RASGRF2: variants seen among roughly 807,000 people sequenced by gnomAD.
RASGRF2 encodes the protein ras-specific guanine nucleotide-releasing factor 2.
In RASGRF2, 76 loss-of-function variants were observed where a neutral mutation model predicts 151.0. The ratio of observed to expected loss-of-function variants is 0.50; its 90% CI spans 0.42 to 0.61. The LOEUF (loss-of-function observed/expected upper bound fraction) is 0.61, where lower values mean the gene tolerates loss of function less well. Ranked by LOEUF, RASGRF2 falls within the 20% of genes least tolerant of loss-of-function variation. The pLI is 0.00. For synonymous variants in RASGRF2, 504 were observed against 566.5 expected, an observed-to-expected ratio of 0.89 and a Z score of 1.57; for missense variants, 1,148 against 1,564.6, an observed-to-expected ratio of 0.73 and a Z score of 4.49.
At chr5:81,206,786 T>G in intron 19 of RASGRF2, 59 bp from the exon 20 acceptor site, 1 of 1,449,342 alleles carries the variant, frequency 6.9e-7, no homozygotes, top group Non-Finnish European at 9.7e-7. Flanking sequence ...GCATTTGTAG[T>G]TTTGTTCCTA....
At chr5:81,054,723 G>A (rs1201478876) in intron 2 of RASGRF2, among the ~76,000 whole-genome samples, 6 of 126,074 alleles carry the variant, frequency 4.8e-5, no homozygotes, top group African/African-American at 1.9e-4. Flanking sequence ...GGGCAGTATG[G>A]CCATTTTCAT....
chr5:81,100,095 G>T (rs924189487), intron 12 of RASGRF2, among the ~76,000 whole-genome samples: 8 of 151,866 alleles, frequency 5.3e-5, no homozygotes, highest in Admixed American at 2.6e-4. Flanking sequence ...GTTTAGTAGA[G>T]ACGAGGTTTC....
At chr5:81,036,436 T>C (rs1750496098) in intron 1 of RASGRF2, among the ~76,000 whole-genome samples, 2 of 152,144 alleles carry the variant, frequency 1.3e-5, no homozygotes, top group Admixed American at 6.6e-5. Context: ...ATTGGAAATA[T>C]TGTTTACTGC....
chr5:81,123,849 C>G, intron 16 of RASGRF2, 82 bp downstream of exon 16: 2 of 1,432,694 alleles, frequency 1.4e-6, no homozygotes, highest in Middle Eastern at 2.2e-4. Flanking sequence ...CTAATTGTTT[C>G]ACTGCCAAAA....
intron 17 of RASGRF2, among the ~76,000 whole-genome samples, chr5:81,153,739 A>T (rs1754189509): frequency 6.6e-6 from 1 of 152,254 alleles, no homozygotes; most frequent in Non-Finnish European, 1.5e-5. Flanking sequence ...GCATTAATTC[A>T]TGGAAAATGC....
At chr5:81,118,650 ACT>A (rs1753224702) in intron 15 of RASGRF2, among the ~76,000 whole-genome samples, 1 of 151,864 alleles carries the variant, frequency 6.6e-6, no homozygotes, top group African/African-American at 2.4e-5. Flanking sequence ...AGGCCTTTTC[ACT>A]CTTTACGTGG....
At chr5:81,085,268 G>A (rs945343359) in intron 7 of RASGRF2, among the ~76,000 whole-genome samples, 9 of 139,434 alleles carry the variant, frequency 6.5e-5, no homozygotes, top group Admixed American at 3.7e-4. Flanking sequence ...ATAAACAAAA[G>A]TACAAATAAA....
Position 81,217,882 on chromosome 5 carries a change from A to G in RASGRF2, c.3552+409A>G, listed in dbSNP as rs373978558. On this transcript the variant is annotated intron_variant, in intron 25 of 26. Coordinates refer to ENST00000265080, the MANE Select transcript of RASGRF2 (RefSeq NM_006909.3). ...CTCAGCCTCCCAAGTAGCTGGGACT[A>G]CAGGCACCTGCCACCACGCCTGGCT... Among the ~76,000 whole-genome samples the G allele has an allele frequency of 9.2e-5, 14 of 152,036 alleles. No individual in the cohort carries two copies. In the East Asian group the frequency reaches 2.7e-3, roughly 29 times the overall value.
chr5:81,202,314 A>C (rs1031097427), intron 19 of RASGRF2, among the ~76,000 whole-genome samples: 1 of 151,740 alleles, frequency 6.6e-6, no homozygotes, highest in African/African-American at 2.4e-5. Context: ...TTCATTTACA[A>C]CCTCTAGAAA....
rs1755025824 is a variant in RASGRF2 at position 81,186,357 on chromosome 5, C to T, written c.2793+6076C>T. Among the ~76,000 whole-genome samples the T allele has an allele frequency of 2.6e-5, 4 of 152,058 alleles. No homozygotes were observed. The South Asian group carries it at 8.3e-4, about 32-fold the overall frequency. On this transcript the variant is annotated intron_variant, in intron 18 of 26. Coordinates refer to ENST00000265080, the MANE Select transcript of RASGRF2 (RefSeq NM_006909.3). ...AAGTCTCTGCCCCTCTTCCTGTTAC[C>T]CCATGCTCTATTAGTTTTAGTATTG... is the stretch of plus-strand genomic sequence containing the variant.
intron 1 of RASGRF2, among the ~76,000 whole-genome samples, chr5:80,989,788 A>G (rs1236340185): frequency 6.6e-6 from 1 of 152,214 alleles, no homozygotes; most frequent in Non-Finnish European, 1.5e-5. Context: ...TCATTGTAAC[A>G]CAGTGTAGTT....
intron 1 of RASGRF2, among the ~76,000 whole-genome samples, chr5:80,991,218 G>A (rs1748639920): frequency 6.6e-6 from 1 of 152,108 alleles, no homozygotes; most frequent in African/African-American, 2.4e-5. Context: ...CAGCAATTTG[G>A]GAGGCCAAGG....
intron 17 of RASGRF2, among the ~76,000 whole-genome samples, chr5:81,135,796 C>CT (rs1753739520): frequency 1.3e-5 from 2 of 151,974 alleles, no homozygotes; most frequent in African/African-American, 2.4e-5. Context: ...AGTACATACC[C>CT]AGGAGTAGAT....
intron 18 of RASGRF2, among the ~76,000 whole-genome samples, chr5:81,198,436 G>A (rs1235989425): frequency 6.8e-6 from 1 of 146,482 alleles, no homozygotes; most frequent in African/African-American, 2.5e-5. Context: ...TTGCTTTATA[G>A]AACATGATTT....
intron 12 of RASGRF2, among the ~76,000 whole-genome samples, chr5:81,107,797 A>T (rs1354314611): frequency 1.3e-5 from 2 of 152,366 alleles, no homozygotes; most frequent in Non-Finnish European, 2.9e-5. Context: ...TTTATATGAA[A>T]ATATAACTCC....
intron 2 of RASGRF2, among the ~76,000 whole-genome samples, chr5:81,050,985 T>A (rs1039534074): frequency 6.6e-6 from 1 of 152,220 alleles, no homozygotes; most frequent in Non-Finnish European, 1.5e-5. Context: ...ATCAGTGGGT[T>A]AAAAATGATA....
At chr5:81,092,739 G>C in intron 9 of RASGRF2, 62 bp from the exon 10 acceptor site, 1 of 1,482,578 alleles carries the variant, frequency 6.7e-7, no homozygotes, top group Non-Finnish European at 9.2e-7. Context: ...TATTGCCGTG[G>C]ACATGGTCCT....
At chr5:81,111,340 A>T (rs1752986849) in intron 13 of RASGRF2, among the ~76,000 whole-genome samples, 1 of 152,202 alleles carries the variant, frequency 6.6e-6, no homozygotes, top group Admixed American at 6.5e-5. Flanking sequence ...CTCGTTGTCC[A>T]CTTGGAGAGG....
At chr5:81,176,064 C>T (rs1413198046) in intron 17 of RASGRF2, among the ~76,000 whole-genome samples, 1 of 152,122 alleles carries the variant, frequency 6.6e-6, no homozygotes, top group African/African-American at 2.4e-5. Context: ...TGAAGCTGAT[C>T]GTGCATTCTT....
Sources: allele counts gnomAD v4.1 joint callset (sites outside exome capture counted in the v4.1 genomes callset), GRCh38; gene constraint gnomAD v4.1.1; transcripts MANE v1.5; gene names NCBI Gene and HGNC (gene_info 2026-07-23, HGNC 2026-07-21).